The following SLC19A1 variants were observed in gnomAD, a reference collection of about 807,000 sequenced individuals.
SLC19A1 encodes reduced folate transporter.
Under a neutral mutation model 35.3 loss-of-function variants are expected in SLC19A1, and 37 were observed. That is an observed-to-expected ratio of 1.05 (90% confidence interval 0.81 to 1.38). The LOEUF is 1.38. Ranked by LOEUF, SLC19A1 falls within the 40% of genes most tolerant of loss-of-function variation. SLC19A1 has a pLI of 0.00. For missense variants in SLC19A1, 831 were observed against 826.9 expected, an observed-to-expected ratio of 1.00 and a Z score of -0.06; for synonymous variants, 460 against 398.5, an observed-to-expected ratio of 1.15 and a Z score of -1.84.
chr21:45,545,710 G>A (rs369510425), upstream of SLC19A1, among the ~76,000 whole-genome samples: 10 of 151,960 alleles, frequency 6.6e-5, no homozygotes, highest in East Asian at 1.2e-3. Flanking sequence ...CCGTGCAGAC[G>A]GCACCCCATA....
At position 45,534,909 on chromosome 21, in the gene SLC19A1, C is replaced by T. The variant is rs1384214972; in HGVS notation, c.190-2761G>A. Among the ~76,000 whole-genome samples the T allele has an allele frequency of 6.6e-6, 1 of 152,286 alleles. No individual in the cohort carries two copies. Among genetic ancestry groups the T allele is most frequent in the African/African-American group, 2.4e-5 (1 of 41,474 alleles). On this transcript the variant is annotated intron_variant, in intron 2 of 5. Coordinates refer to ENST00000311124, the MANE Select transcript of SLC19A1 (RefSeq NM_194255.4). The surrounding 1 kb of genome is among the most constrained non-coding windows in gnomAD (Gnocchi z 4.2). ...AGCCCAGCGTCGGCCCTGCTCTCCA[C>T]AGGTCTTGGTTGGGGTCCAGGCTGA...
intron 3 of SLC19A1, chr21:45,504,603 G>A (rs2037072961): frequency 6.5e-7 from 1 of 1,530,128 alleles, no homozygotes; most frequent in East Asian, 2.4e-5. Context: ...AGGGGTCTGG[G>A]TGCAGGAGCC....
intron 1 of SLC19A1, among the ~76,000 whole-genome samples, chr21:45,556,380 C>T (rs1602959796): frequency 6.6e-6 from 1 of 152,234 alleles, no homozygotes; most frequent in South Asian, 2.1e-4. Context: ...TGAGCCAGAC[C>T]CGCTCGTCAG....
At chr21:45,505,324 G>C (rs1162034826) in intron 3 of SLC19A1, 1 of 1,597,936 alleles carries the variant, frequency 6.3e-7, no homozygotes. Context: ...GCCTCGTGTG[G>C]CTTCGTGTTC....
chr21:45,538,880 A>G (rs890656227), intron 1 of SLC19A1, among the ~76,000 whole-genome samples: 4 of 152,128 alleles, frequency 2.6e-5, no homozygotes, highest in African/African-American at 9.7e-5. Context: ...CCATCCCGCC[A>G]GCACCCCCGC....
chr21:45,559,742 A>G (rs2078597322), intron 1 of SLC19A1, among the ~76,000 whole-genome samples: 2 of 152,214 alleles, frequency 1.3e-5, no homozygotes, highest in South Asian at 2.1e-4. Flanking sequence ...TATTAACAGC[A>G]GTGAAGAACT....
At chr21:45,502,642 A>G (rs1353153536) in intron 3 of SLC19A1, 2 of 152,220 alleles carry the variant, frequency 1.3e-5, no homozygotes, top group African/African-American at 2.4e-5. Context: ...GAGGAAAAGG[A>G]GAGAAGCAGC....
chr21:45,509,496 G>T (rs1203048331), downstream of SLC19A1: 8 of 1,529,788 alleles, frequency 5.2e-6, no homozygotes, highest in Admixed American at 3.8e-5. Flanking sequence ...GCCTGCCCGA[G>T]CCCCAGCCCT....
upstream of SLC19A1, among the ~76,000 whole-genome samples, chr21:45,548,054 C>T (rs975818443): frequency 1.3e-5 from 2 of 152,158 alleles, no homozygotes; most frequent in Non-Finnish European, 2.9e-5. Flanking sequence ...AGAAAAGTGA[C>T]GTCGGAGAGC....
chr21:45,537,103 G>A (rs894667864), intron 2 of SLC19A1, among the ~76,000 whole-genome samples: 11 of 152,200 alleles, frequency 7.2e-5, no homozygotes, highest in Non-Finnish European at 1.5e-4. Flanking sequence ...TCTGTGGAAG[G>A]CAGGTGCCCA....
rs1419246534 is a variant in SLC19A1, at chr21:45,532,028, C to T, written c.310G>A (p.Val104Met). The T allele has an allele frequency of 1.9e-6, 3 of 1,611,784 alleles. No individual in the cohort carries two copies. The highest frequency in any genetic ancestry group is 2.5e-6 in the Non-Finnish European group (3 of 1,179,894). Residue 104 changes from valine to methionine, a missense_variant, in exon 3 of 6, where the codon GTG (valine) becomes ATG (methionine). Coordinates refer to ENST00000311124, the MANE Select transcript of SLC19A1 (RefSeq NM_194255.4). ...PVLLLQGLSFVSVWLLLLLGH... is the reference protein window; with the variant it reads ...PVLLLQGLSFMSVWLLLLLGH... Reference sequence around the variant, plus strand: ...AGCAGCAGCAGCAGCCACACCGACACGAAGCTGAGCCCCTGCAGCAGCAGC... The same window carrying T: ...AGCAGCAGCAGCAGCCACACCGACATGAAGCTGAGCCCCTGCAGCAGCAGC...
At chr21:45,539,692 C>A (rs1316955695) in intron 1 of SLC19A1, among the ~76,000 whole-genome samples, 1 of 152,212 alleles carries the variant, frequency 6.6e-6, no homozygotes, top group Non-Finnish European at 1.5e-5. Flanking sequence ...AGAGACCCTC[C>A]CCAGGCCACT....
Position 45,534,444 on chromosome 21 carries a change from G to A in SLC19A1, c.190-2296C>T. 9.8e-7 allele frequency: 1 copy of A among 1,022,308 alleles called. No individual in the cohort carries two copies. 63.3% of individuals were successfully genotyped at this position (1,022,308 alleles called of 1,614,324 possible). ...GGGCACAGGTTCTGCCCACAGCCCA[G>A]AGTCAAAATGGTAGACAGCCAGCAG... On this transcript the variant is annotated intron_variant, in intron 2 of 5. Coordinates refer to ENST00000311124, the MANE Select transcript of SLC19A1 (RefSeq NM_194255.4). The surrounding 1 kb of genome is among the most constrained non-coding windows in gnomAD (Gnocchi z 4.2).
intron 1 of SLC19A1, among the ~76,000 whole-genome samples, chr21:45,549,562 C>T (rs2078444642): frequency 1.4e-5 from 2 of 147,066 alleles, no homozygotes; most frequent in South Asian, 2.2e-4. Flanking sequence ...CAATCCAGGC[C>T]TCAGTTGGTT....
At chr21:45,518,815 AAG>A (rs1044655638) in intron 5 of SLC19A1, among the ~76,000 whole-genome samples, 1 of 152,210 alleles carries the variant, frequency 6.6e-6, no homozygotes, top group African/African-American at 2.4e-5. Flanking sequence ...AAGAAAAACT[AAG>A]AGAAGAAATT....
chr21:45,542,668 G>T (rs1206992805), upstream of SLC19A1, among the ~76,000 whole-genome samples: 1 of 142,490 alleles, frequency 7.0e-6, no homozygotes, highest in Non-Finnish European at 1.5e-5. Context: ...CCCTGGGGCC[G>T]CCCCCTGACC....
downstream of SLC19A1, chr21:45,509,955 C>A: frequency 7.7e-7 from 1 of 1,293,134 alleles, no homozygotes; most frequent in South Asian, 1.4e-5. Flanking sequence ...CGCTCAGCGC[C>A]CCTCGGCCGT....
chr21:45,542,678 C>G (rs2078350742), upstream of SLC19A1, among the ~76,000 whole-genome samples: 1 of 151,426 alleles, frequency 6.6e-6, no homozygotes, highest in Admixed American at 6.6e-5. Context: ...GCCCCCTGAC[C>G]CCGACCGCCC....
intron 3 of SLC19A1, chr21:45,506,047 A>AG: frequency 6.2e-7 from 1 of 1,604,790 alleles, no homozygotes; most frequent in Non-Finnish European, 8.5e-7. Context: ...CGAGAGGCTC[A>AG]GGCCCCGGAC....
Sources: gnomAD v4.1 joint callset for allele counts (sites outside exome capture counted in the v4.1 genomes callset) on GRCh38, gnomAD v4.1.1 for gene constraint, Gnocchi (gnomAD v3.1) non-coding constraint, MANE v1.5 for transcripts, NCBI Gene and HGNC (gene_info 2026-07-23, HGNC 2026-07-21) for gene names.